The following MEI4 variants were observed in gnomAD, a reference collection of about 807,000 sequenced individuals.
MEI4 encodes meiosis-specific protein MEI4.
In MEI4, 27 loss-of-function variants were observed where a neutral mutation model predicts 31.4. That is an observed-to-expected ratio of 0.86 (90% CI 0.63 to 1.19). The LOEUF (loss-of-function observed/expected upper bound fraction) is 1.19, where lower values mean the gene tolerates loss of function less well. MEI4 is among the 50% of genes most tolerant of loss of function. MEI4 has a pLI of 0.00. For missense variants in MEI4, 329 were observed against 398.9 expected (o/e 0.82, Z 1.49); for synonymous variants, 122 against 145.4 (o/e 0.84, Z 1.16).
chr6:77,705,197 CGTTT>C (rs1252634150), intron 2 of MEI4, among the ~76,000 whole-genome samples: 3 of 148,802 alleles, frequency 2.0e-5, no homozygotes, highest in Non-Finnish European at 4.5e-5. Context: ...TTACTGCCTT[CGTTT>C]GTTCTTAATA....
chr6:77,760,333 A>G (rs1360913826), intron 2 of MEI4, among the ~76,000 whole-genome samples: 1 of 152,086 alleles, frequency 6.6e-6, no homozygotes, highest in African/African-American at 2.4e-5. Flanking sequence ...GTGTATGTGC[A>G]TAATTTTTCC....
At chr6:77,693,090 T>C (rs1045207065) in intron 2 of MEI4, among the ~76,000 whole-genome samples, 1 of 152,052 alleles carries the variant, frequency 6.6e-6, no homozygotes, top group African/African-American at 2.4e-5. Context: ...TAGGAGACTT[T>C]AGTTTTGGGA....
At chr6:77,743,404 A>T (rs1767476957) in intron 2 of MEI4, among the ~76,000 whole-genome samples, 1 of 152,144 alleles carries the variant, frequency 6.6e-6, no homozygotes, top group Non-Finnish European at 1.5e-5. Flanking sequence ...GAGTTCACTC[A>T]TAATTTGGCT....
intron 4 of MEI4, among the ~76,000 whole-genome samples, chr6:77,856,211 A>G (rs745542509): frequency 6.6e-6 from 1 of 152,142 alleles, no homozygotes; most frequent in South Asian, 2.1e-4. Context: ...CTGCCTTTTC[A>G]GCCTCATCTC....
intron 1 of MEI4, among the ~76,000 whole-genome samples, chr6:77,688,102 A>T (rs562909053): frequency 6.6e-6 from 1 of 152,274 alleles, no homozygotes; most frequent in South Asian, 2.1e-4. Flanking sequence ...GGCCAAATAT[A>T]TCTTTCTTAT....
intron 3 of MEI4, among the ~76,000 whole-genome samples, chr6:77,826,429 A>G (rs1769952842): frequency 6.6e-6 from 1 of 152,162 alleles, no homozygotes; most frequent in Non-Finnish European, 1.5e-5. Flanking sequence ...GATCTTACTA[A>G]TCATGATATC....
chr6:77,761,030 T>G (rs1171388299), intron 2 of MEI4, 100 bp from the exon 3 acceptor site: 3 of 797,418 alleles, frequency 3.8e-6, no homozygotes, highest in Non-Finnish European at 1.7e-6. Context: ...TGTGTATTTA[T>G]ATACTTCATT....
intron 4 of MEI4, among the ~76,000 whole-genome samples, chr6:77,850,209 C>T (rs530220603): frequency 1.3e-5 from 2 of 152,222 alleles, no homozygotes; most frequent in African/African-American, 2.4e-5. Flanking sequence ...GGCCATACTG[C>T]CCAAGGTAAT....
intron 3 of MEI4, among the ~76,000 whole-genome samples, chr6:77,799,389 A>G (rs1477890520): frequency 1.3e-5 from 2 of 152,128 alleles, no homozygotes; most frequent in Admixed American, 6.5e-5. Context: ...GATTCTGGAT[A>G]TTAGCCCTTT....
At chr6:77,852,974 G>A (rs1254102898) in intron 4 of MEI4, among the ~76,000 whole-genome samples, 2 of 152,086 alleles carry the variant, frequency 1.3e-5, no homozygotes, top group South Asian at 2.1e-4. Context: ...CGAGGCAGGC[G>A]GATCACCTGA....
intron 4 of MEI4, among the ~76,000 whole-genome samples, chr6:77,919,792 C>A (rs373501876): frequency 4.1e-5 from 6 of 146,710 alleles, no homozygotes; most frequent in African/African-American, 1.2e-4. Flanking sequence ...ATCAAATAGA[C>A]GCAATAAAAA....
At chr6:77,729,703 C>T (rs925269217) in intron 2 of MEI4, among the ~76,000 whole-genome samples, 1 of 152,088 alleles carries the variant, frequency 6.6e-6, no homozygotes, top group Non-Finnish European at 1.5e-5. Context: ...GTGTAGAGAA[C>T]AGATATGAGA....
chr6:77,794,159 C>T (rs1041997408), intron 3 of MEI4, among the ~76,000 whole-genome samples: 11 of 152,146 alleles, frequency 7.2e-5, no homozygotes, highest in Non-Finnish European at 1.0e-4. Context: ...GCTATACTTA[C>T]ATCAGACAAA....
chr6:77,870,052 A>T (rs1016409291), intron 4 of MEI4, among the ~76,000 whole-genome samples: 1 of 152,140 alleles, frequency 6.6e-6, no homozygotes, highest in Non-Finnish European at 1.5e-5. Flanking sequence ...CTTATCACCC[A>T]CTAAAGAGAG....
At position 77,923,257 on chromosome 6, in the gene MEI4, C is replaced by T; in HGVS notation, c.1069C>T (p.Leu357Phe). The change falls in exon 5 of 5, where the codon CTT (leucine) becomes TTT (phenylalanine). Residue 357 changes from leucine to phenylalanine, a missense_variant. Transcript: ENST00000684080. ...LQKHDETIFQ[L>F]SDAFPLFTFY... The stretch of plus-strand genomic sequence containing the variant: ...GAAGCATGATGAAACTATTTTCCAA[C>T]TTTCTGATGCATTTCCTTTGTTTAC... 1 of 1,230,408 alleles carries T rather than the reference C, an allele frequency of 8.1e-7. No individual in the cohort carries two copies. Among genetic ancestry groups the T allele is most frequent in the Non-Finnish European group, 1.0e-6 (1 of 986,792 alleles). The allele number at this position is 1,230,408 out of a possible 1,614,324, so 76.2% of individuals were successfully genotyped here.
chr6:77,855,097 C>T (rs543066957), intron 4 of MEI4, among the ~76,000 whole-genome samples: 6 of 152,162 alleles, frequency 3.9e-5, no homozygotes, highest in East Asian at 3.9e-4. Context: ...CCAGCCAGCA[C>T]GTTGGGAGGC....
chr6:77,773,673 C>T (rs963360519), intron 3 of MEI4, among the ~76,000 whole-genome samples: 1 of 151,950 alleles, frequency 6.6e-6, no homozygotes, highest in African/African-American at 2.4e-5. Context: ...GATTGGATTA[C>T]ATCAAGTTAA....
intron 2 of MEI4, among the ~76,000 whole-genome samples, chr6:77,747,015 T>G (rs972292231): frequency 6.6e-6 from 1 of 152,124 alleles, no homozygotes; most frequent in Non-Finnish European, 1.5e-5. Flanking sequence ...CACACTGCTA[T>G]AAAGAACTGC....
At chr6:77,917,230 T>C (rs1464019576) in intron 4 of MEI4, among the ~76,000 whole-genome samples, 4 of 151,924 alleles carry the variant, frequency 2.6e-5, no homozygotes, top group Non-Finnish European at 4.4e-5. Flanking sequence ...GCAATATACA[T>C]ACGTGTGCAT....
Sources: gnomAD v4.1 joint callset for allele counts (sites outside exome capture counted in the v4.1 genomes callset) on GRCh38, gnomAD v4.1.1 for gene constraint, MANE v1.5 for transcripts, NCBI Gene and HGNC (gene_info 2026-07-23, HGNC 2026-07-21) for gene names.